TRIM36: variants seen among roughly 807,000 people sequenced by gnomAD.
TRIM36 encodes tripartite motif containing 36.
In TRIM36, 42 loss-of-function variants were observed where a neutral mutation model predicts 72.4. That is an observed-to-expected ratio of 0.58 (90% CI 0.45 to 0.75). The LOEUF is 0.75. Among genes scored for constraint, TRIM36 ranks in the 30% least tolerant of loss-of-function variants. The pLI is 0.00. For missense variants in TRIM36, 913 were observed against 857.1 expected, an observed-to-expected ratio of 1.07 and a Z score of -0.81; for synonymous variants, 315 against 282.8, an observed-to-expected ratio of 1.11 and a Z score of -1.14.
chr5:115,152,785 G>GT (rs897815676), intron 2 of TRIM36, among the ~76,000 whole-genome samples: 4 of 152,118 alleles, frequency 2.6e-5, no homozygotes, highest in Non-Finnish European at 5.9e-5. Context: ...TGAAGGAAAG[G>GT]TAAGAGTCTT....
upstream of TRIM36, among the ~76,000 whole-genome samples, chr5:115,172,603 G>C (rs1324930667): frequency 2.0e-5 from 3 of 152,126 alleles, no homozygotes; most frequent in African/African-American, 7.2e-5. Flanking sequence ...TGGCGTGGTG[G>C]CACACGCCTG....
intron 3 of TRIM36, among the ~76,000 whole-genome samples, chr5:115,145,798 A>G (rs976697598): frequency 2.6e-5 from 4 of 152,240 alleles, no homozygotes; most frequent in African/African-American, 9.6e-5. Flanking sequence ...AAAAGGTTTC[A>G]AGTTTTTCAG....
intron 5 of TRIM36, among the ~76,000 whole-genome samples, chr5:115,139,475 A>T (rs1169049724): frequency 1.6e-4 from 24 of 152,214 alleles, no homozygotes; most frequent in Admixed American, 1.6e-3. Context: ...TGCATTATCC[A>T]TTGGCTTTCA....
intron 1 of TRIM36, among the ~76,000 whole-genome samples, chr5:115,163,953 TGA>T (rs1427757433): frequency 3.3e-5 from 5 of 152,100 alleles, no homozygotes; most frequent in Non-Finnish European, 5.9e-5. Flanking sequence ...TGAAGGAACA[TGA>T]GATAGTAAAA....
At chr5:115,171,674 G>C (rs1156868545), upstream of TRIM36, among the ~76,000 whole-genome samples, 1 of 152,178 alleles carries the variant, frequency 6.6e-6, no homozygotes, top group East Asian at 1.9e-4. Context: ...AATCTGTATA[G>C]ACAATATTTT....
chr5:115,172,813 C>T (rs80070164), upstream of TRIM36, among the ~76,000 whole-genome samples: 2,335 of 151,796 alleles, frequency 0.015, 68 homozygotes, highest in African/African-American at 0.054. Flanking sequence ...TATCTGATTA[C>T]AGGCAAACAA....
At chr5:115,149,664 T>G (rs1580674991) in intron 2 of TRIM36, 3 of 129,344 alleles carry the variant, frequency 2.3e-5, no homozygotes, top group Admixed American at 8.1e-5. Flanking sequence ...AAAAAAGGTG[T>G]GAAACACTAA....
At chr5:115,156,332 C>A (rs1464913496) in intron 2 of TRIM36, among the ~76,000 whole-genome samples, 3 of 151,840 alleles carry the variant, frequency 2.0e-5, no homozygotes, top group Non-Finnish European at 4.4e-5. Flanking sequence ...TCATATGGAA[C>A]CAAAAAAGAG....
intron 2 of TRIM36, among the ~76,000 whole-genome samples, chr5:115,148,094 A>C (rs1408643064): frequency 6.6e-6 from 1 of 152,194 alleles, no homozygotes; most frequent in Non-Finnish European, 1.5e-5. Context: ...AAGAGTGAAA[A>C]ATTCATTCAT....
At chr5:115,149,570 A>G (rs1045911084) in intron 2 of TRIM36, 4 of 52,164 alleles carry the variant, frequency 7.7e-5, no homozygotes, top group South Asian at 4.3e-4. Context: ...CAGAAATTTG[A>G]AAAAAAAAAA....
At chr5:115,169,993 G>A, upstream of TRIM36, 1 of 1,108,730 alleles carries the variant, frequency 9.0e-7, no homozygotes, top group Admixed American at 5.1e-5. Context: ...CCAGGCAACA[G>A]CGCCAGTCGC....
intron 1 of TRIM36, among the ~76,000 whole-genome samples, chr5:115,165,688 C>T (rs1436520882): frequency 1.3e-5 from 2 of 152,184 alleles, no homozygotes; most frequent in Non-Finnish European, 2.9e-5. Context: ...CAGGAACAGG[C>T]AGGAGCCCTT....
chr5:115,143,085 T>A (rs1195217813), intron 4 of TRIM36, among the ~76,000 whole-genome samples: 2 of 151,954 alleles, frequency 1.3e-5, no homozygotes, highest in Non-Finnish European at 2.9e-5. Flanking sequence ...CTCCCATACA[T>A]ATTCAGCAGT....
intron 9 of TRIM36, among the ~76,000 whole-genome samples, chr5:115,128,758 C>A (rs866752809): frequency 1.7e-4 from 8 of 47,010 alleles, no homozygotes; most frequent in African/African-American, 5.3e-4. Context: ...GACTCCGTCT[C>A]AAAAAAAAAA....
intron 8 of TRIM36, 136 bp from the exon 9 acceptor site, chr5:115,131,025 T>C: frequency 1.0e-6 from 1 of 955,908 alleles, no homozygotes; most frequent in Non-Finnish European, 1.5e-6. Flanking sequence ...CCCGGACAAC[T>C]ATGACAAACC....
chr5:115,163,819 C>T (rs1754619469), intron 1 of TRIM36, 67 bp from the exon 2 acceptor site: 2 of 1,156,248 alleles, frequency 1.7e-6, no homozygotes, highest in Admixed American at 2.0e-5. Flanking sequence ...CTTATACCTC[C>T]TGAATAAGTA....
In TRIM36 at chr5:115,126,249, AAGAC is replaced by A. The variant is rs1752353936; in HGVS notation, c.*250_*253del. ...ATTAGATATCCTGTACATAAAGTAA[AAGAC>A]AGTCCAGTTGCAAAGTTAACCACTT... is the stretch of plus-strand genomic sequence containing the variant. On this transcript the variant is annotated 3_prime_UTR_variant, in exon 10 of 10. Coordinates refer to ENST00000513154, the MANE Select transcript of TRIM36 (RefSeq NM_001300759.2). 1 of 427,302 alleles carries A rather than the reference AAGAC, an allele frequency of 2.3e-6. No homozygotes were observed. The highest frequency in any genetic ancestry group is 5.3e-5 in the South Asian group (1 of 18,866). 26.5% of individuals were successfully genotyped at this position (427,302 alleles called of 1,614,324 possible).
At chr5:115,127,293 G>A (rs564293643) in intron 9 of TRIM36, among the ~76,000 whole-genome samples, 13 of 152,378 alleles carry the variant, frequency 8.5e-5, no homozygotes, top group Admixed American at 5.2e-4. Context: ...GGGTGCAGTG[G>A]CTCATGCCTG....
At chr5:115,177,709 T>C (rs1755399021) in intron 1 of TRIM36, 2 of 1,613,700 alleles carry the variant, frequency 1.2e-6, no homozygotes, top group African/African-American at 1.3e-5. Flanking sequence ...CCAGACCAAC[T>C]CTCCCCCTCC....
Sources: gnomAD v4.1 joint callset for allele counts (sites outside exome capture counted in the v4.1 genomes callset) on GRCh38, gnomAD v4.1.1 for gene constraint, MANE v1.5 for transcripts, NCBI Gene and HGNC (gene_info 2026-07-23, HGNC 2026-07-21) for gene names.